The following PTPRT variants were observed in gnomAD, a reference collection of about 807,000 sequenced individuals.
PTPRT encodes protein tyrosine phosphatase receptor type T.
PTPRT carries 56 observed loss-of-function variants against 176.8 expected under a neutral mutation model. The observed-to-expected ratio is 0.32, with a 90% CI of 0.26 to 0.40. The LOEUF is 0.40. PTPRT is among the 10% of genes least tolerant of loss of function. The pLI is 1.00. For missense variants in PTPRT, 1,540 were observed against 1,908.2 expected (o/e 0.81, Z 3.60); for synonymous variants, 783 against 739.0 (o/e 1.06, Z -0.96).
intron 7 of PTPRT, among the ~76,000 whole-genome samples, chr20:42,476,618 A>G (rs1177867521): frequency 6.6e-6 from 1 of 152,230 alleles, no homozygotes; most frequent in African/African-American, 2.4e-5. Flanking sequence ...CAGAGATTCA[A>G]GGAAATCTCA....
At chr20:42,387,994 G>A (rs908606474) in intron 9 of PTPRT, among the ~76,000 whole-genome samples, 2 of 152,062 alleles carry the variant, frequency 1.3e-5, no homozygotes, top group African/African-American at 4.8e-5. Context: ...GTTTCACCAT[G>A]TTGGCCAGGC....
At chr20:42,259,677 G>A (rs1261930566) in intron 13 of PTPRT, among the ~76,000 whole-genome samples, 1 of 152,206 alleles carries the variant, frequency 6.6e-6, no homozygotes, top group African/African-American at 2.4e-5. Flanking sequence ...CGCAGTCAAG[G>A]TTAATGACCA....
intron 2 of PTPRT, among the ~76,000 whole-genome samples, chr20:42,853,481 G>A (rs1488607853): frequency 6.6e-6 from 1 of 152,188 alleles, no homozygotes; most frequent in Admixed American, 6.5e-5. Context: ...AACCCAGGAT[G>A]AGAAGGTGTA....
intron 1 of PTPRT, among the ~76,000 whole-genome samples, chr20:42,964,562 T>C (rs1437773258): frequency 6.6e-6 from 1 of 152,182 alleles, no homozygotes; most frequent in Non-Finnish European, 1.5e-5. Flanking sequence ...GAGAATTTAA[T>C]ACAACTCTCT....
intron 9 of PTPRT, among the ~76,000 whole-genome samples, chr20:42,408,625 G>A (rs1313333087): frequency 6.6e-6 from 1 of 151,138 alleles, no homozygotes; most frequent in African/African-American, 2.4e-5. Flanking sequence ...TTCCTATTAG[G>A]ATAAAATTAT....
intron 1 of PTPRT, 67 bp from the exon 2 acceptor site, chr20:42,885,999 C>A: frequency 7.3e-7 from 1 of 1,368,018 alleles, no homozygotes; most frequent in Non-Finnish European, 9.7e-7. Context: ...ACCTCTGTCT[C>A]GTCGGCTCTT....
At chr20:42,135,829 G>C (rs115748492) in intron 18 of PTPRT, among the ~76,000 whole-genome samples, 2,079 of 152,226 alleles carry the variant, frequency 0.014, 57 homozygotes, top group African/African-American at 0.048. Flanking sequence ...CTCAGGAGAA[G>C]GTATAGGGAT....
intron 2 of PTPRT, among the ~76,000 whole-genome samples, chr20:42,829,993 T>C (rs942985155): frequency 1.7e-4 from 26 of 152,068 alleles, no homozygotes; most frequent in African/African-American, 6.3e-4. Context: ...ACCAGAAGGA[T>C]TCACAGCTGA....
chr20:42,897,149 G>T (rs1834350740), intron 1 of PTPRT, among the ~76,000 whole-genome samples: 2 of 152,050 alleles, frequency 1.3e-5, no homozygotes, highest in Non-Finnish European at 2.9e-5. Flanking sequence ...GTCATCCAAT[G>T]TCATACATTC....
At chr20:43,026,611 C>A (rs1985923892) in intron 1 of PTPRT, among the ~76,000 whole-genome samples, 1 of 152,126 alleles carries the variant, frequency 6.6e-6, no homozygotes, top group Admixed American at 6.5e-5. Context: ...CAATTATATT[C>A]TCTTAGTTAT....
At chr20:42,647,176 T>C (rs2074925121) in intron 7 of PTPRT, among the ~76,000 whole-genome samples, 1 of 151,864 alleles carries the variant, frequency 6.6e-6, no homozygotes, top group Non-Finnish European at 1.5e-5. Flanking sequence ...GGATTACAGG[T>C]GTGAACCACC....
At chr20:42,108,990 T>TAGAG (rs778375048) in intron 23 of PTPRT, among the ~76,000 whole-genome samples, 4 of 152,290 alleles carry the variant, frequency 2.6e-5, no homozygotes, top group South Asian at 4.1e-4. Flanking sequence ...CTTTGGGATA[T>TAGAG]AGAGATGGGG....
chr20:43,128,047 G>A (rs946316102), intron 1 of PTPRT, among the ~76,000 whole-genome samples: 1 of 152,214 alleles, frequency 6.6e-6, no homozygotes, highest in South Asian at 2.1e-4. Context: ...CATAGTAGCG[G>A]TTATGGCTTT....
At chr20:42,686,509 A>G (rs2075696675) in intron 6 of PTPRT, among the ~76,000 whole-genome samples, 1 of 94,774 alleles carries the variant, frequency 1.1e-5, no homozygotes, top group Non-Finnish European at 1.9e-5. Flanking sequence ...TTTGAGACAG[A>G]GTCTCACTCT....
chr20:42,964,785 G>A (rs1982200645), intron 1 of PTPRT, among the ~76,000 whole-genome samples: 1 of 152,016 alleles, frequency 6.6e-6, no homozygotes, highest in Admixed American at 6.6e-5. Flanking sequence ...TTTTTATGTT[G>A]TATTATCTGA....
At chr20:42,726,134 T>C (rs1488114390) in intron 6 of PTPRT, among the ~76,000 whole-genome samples, 3 of 151,254 alleles carry the variant, frequency 2.0e-5, no homozygotes, top group African/African-American at 7.3e-5. Flanking sequence ...GGCTGGAGTG[T>C]AATGGCATGA....
chr20:43,125,870 A>G (rs1236783088), intron 1 of PTPRT, among the ~76,000 whole-genome samples: 1 of 152,230 alleles, frequency 6.6e-6, no homozygotes, highest in Non-Finnish European at 1.5e-5. Context: ...TAATTATTAA[A>G]GGCGAATTAT....
intron 7 of PTPRT, among the ~76,000 whole-genome samples, chr20:42,676,455 C>T (rs2075504352): frequency 6.6e-6 from 1 of 152,120 alleles, no homozygotes; most frequent in Non-Finnish European, 1.5e-5. Flanking sequence ...TCAGTGACTC[C>T]TCTTTGTTTT....
At chr20:42,887,252 C>T (rs1237451513) in intron 1 of PTPRT, among the ~76,000 whole-genome samples, 2 of 152,132 alleles carry the variant, frequency 1.3e-5, no homozygotes, top group African/African-American at 4.8e-5. Context: ...AGGCAGACTC[C>T]ACATGATTGG....
Sources: gnomAD v4.1 joint callset for allele counts (sites outside exome capture counted in the v4.1 genomes callset) on GRCh38, gnomAD v4.1.1 for gene constraint, MANE v1.5 for transcripts, NCBI Gene and HGNC (gene_info 2026-07-23, HGNC 2026-07-21) for gene names.